The following KIAA0040 variants were observed in gnomAD, a reference collection of about 807,000 sequenced individuals.
KIAA0040 encodes uncharacterized protein KIAA0040.
Under a neutral mutation model 7.2 loss-of-function variants are expected in KIAA0040, and 10 were observed. The ratio of observed to expected loss-of-function variants is 1.38; its 90% CI spans 0.85 to 2.34. The LOEUF (loss-of-function observed/expected upper bound fraction) is 2.34, where lower values mean the gene tolerates loss of function less well. Ranked by LOEUF, KIAA0040 falls within the 30% of genes most tolerant of loss-of-function variation. The probability of loss-of-function intolerance (pLI) is 0.00; values close to 1 mark genes in which losing one functional copy is unlikely to be tolerated. For missense variants in KIAA0040, 89 were observed against 108.2 expected (o/e 0.82, Z 0.79); for synonymous variants, 49 against 40.1 (o/e 1.22, Z -0.84).
chr1:175,175,092 C>G (rs1308650844), intron 2 of KIAA0040, among the ~76,000 whole-genome samples: 1 of 152,136 alleles, frequency 6.6e-6, no homozygotes, highest in African/African-American at 2.4e-5. Context: ...AAAGGGAAAC[C>G]TCTGCTTCTG....
In KIAA0040 at chr1:175,160,443, G is replaced by T; in HGVS notation, c.*271C>A. Reference sequence around the variant, plus strand: ...ATGTTCTTTGTGCTTTGCATGTGGGGTATGCCAGAGACAGGTGGGAGGCAT... The same window carrying T: ...ATGTTCTTTGTGCTTTGCATGTGGGTTATGCCAGAGACAGGTGGGAGGCAT... On this transcript the variant is annotated 3_prime_UTR_variant, in exon 4 of 4. Transcript: ENST00000423313. 1 of 439,270 alleles carries T rather than the reference G, an allele frequency of 2.3e-6. No individual in the cohort carries two copies. The highest frequency in any genetic ancestry group is 4.1e-6 in the Non-Finnish European group (1 of 244,776). 27.2% of individuals were successfully genotyped at this position (439,270 alleles called of 1,614,324 possible). A position where few individuals can be genotyped will look rare whatever the true frequency, so the allele number is the denominator to read the frequency against.
At chr1:175,186,952 T>C (rs80083613) in intron 1 of KIAA0040, among the ~76,000 whole-genome samples, 67 of 152,304 alleles carry the variant, frequency 4.4e-4, no homozygotes, top group African/African-American at 1.5e-3. Flanking sequence ...ACTGTTATGC[T>C]GTGCTGGCAA....
At position 175,160,581 on chromosome 1, in the gene KIAA0040, G is replaced by A. The variant is rs1676488061; in HGVS notation, c.*133C>T. On this transcript the variant is annotated 3_prime_UTR_variant, in exon 4 of 4. Transcript: ENST00000423313. ...CCCTCCACTGGGACACTTAGTCTGA[G>A]GTTTGTTCCTTGGTTGAGTAGTTAC... 7 of 876,228 alleles carry A rather than the reference G, an allele frequency of 8.0e-6. No homozygotes were observed. Among genetic ancestry groups the A allele is most frequent in the Non-Finnish European group, 1.2e-5 (7 of 589,056 alleles). 54.3% of individuals were successfully genotyped at this position (876,228 alleles called of 1,614,324 possible). A position where few individuals can be genotyped will look rare whatever the true frequency, so the allele number is the denominator to read the frequency against.
At chr1:175,171,127 T>C (rs1353471884) in intron 2 of KIAA0040, among the ~76,000 whole-genome samples, 2 of 152,244 alleles carry the variant, frequency 1.3e-5, no homozygotes, top group South Asian at 2.1e-4. Context: ...TACATTTTCA[T>C]ACAAATTTCC....
intron 1 of KIAA0040, among the ~76,000 whole-genome samples, chr1:175,189,465 C>T (rs947081633): frequency 3.3e-5 from 5 of 152,164 alleles, no homozygotes; most frequent in African/African-American, 1.2e-4. Context: ...AGTACACAAC[C>T]TGCACAAGCA....
At chr1:175,186,206 TA>T (rs1444017987) in intron 1 of KIAA0040, among the ~76,000 whole-genome samples, 1 of 152,150 alleles carries the variant, frequency 6.6e-6, no homozygotes, top group Non-Finnish European at 1.5e-5. Flanking sequence ...TCACCTCAAT[TA>T]AAAAAATGCA....
rs1262881125 is a variant in KIAA0040, at chr1:175,160,420, G to A, written c.*294C>T. On this transcript the variant is annotated 3_prime_UTR_variant, in exon 4 of 4. Coordinates refer to ENST00000423313, the MANE Select transcript of KIAA0040 (RefSeq NM_014656.3). ...ACCATATTGAGATGTATGGATAAAT[G>A]TTCTTTGTGCTTTGCATGTGGGGTA... 2 of 382,536 alleles carry A rather than the reference G, an allele frequency of 5.2e-6. No homozygotes were observed. Among genetic ancestry groups the A allele is most frequent in the Non-Finnish European group, 9.5e-6 (2 of 209,890 alleles). 23.7% of individuals were successfully genotyped at this position (382,536 alleles called of 1,614,324 possible).
chr1:175,170,322 C>T (rs1041723991), intron 2 of KIAA0040, among the ~76,000 whole-genome samples: 10 of 152,172 alleles, frequency 6.6e-5, no homozygotes, highest in African/African-American at 1.4e-4. Context: ...CCTTTATCCC[C>T]ATTGTTACCT....
At position 175,161,091 on chromosome 1, in the gene KIAA0040, C is replaced by T. The variant is rs150648481; in HGVS notation, c.-78G>A. On this transcript the variant is annotated 5_prime_UTR_variant, in exon 4 of 4. It introduces an in-frame stop codon into an upstream open reading frame of the 5' UTR. Transcript: ENST00000423313. ...TGGGCTCAAAAGGATGCAACCTTGA[C>T]CACTTGTAATTTATTCCTCTTCCAG... 7.5e-7 allele frequency: 1 copy of T among 1,335,072 alleles called. No individual in the cohort carries two copies. Among genetic ancestry groups the T allele is most frequent in the South Asian group, 1.5e-5 (1 of 66,212 alleles). The allele number at this position is 1,335,072 out of a possible 1,614,324, so 82.7% of individuals were successfully genotyped here.
chr1:175,178,975 G>A (rs932438026), intron 1 of KIAA0040, among the ~76,000 whole-genome samples: 3 of 150,134 alleles, frequency 2.0e-5, no homozygotes, highest in Admixed American at 6.7e-5. Context: ...CGGGGCGGGG[G>A]GGGGGATATC....
chr1:175,165,201 C>T (rs565053334), intron 3 of KIAA0040, among the ~76,000 whole-genome samples: 5 of 152,236 alleles, frequency 3.3e-5, no homozygotes, highest in South Asian at 2.1e-4. Flanking sequence ...TATGAGGTGA[C>T]GATGGGAAAC....
At chr1:175,172,726 A>C (rs1355471138) in intron 2 of KIAA0040, among the ~76,000 whole-genome samples, 2 of 152,232 alleles carry the variant, frequency 1.3e-5, no homozygotes, top group Admixed American at 6.5e-5. Flanking sequence ...ACTGCGTTAC[A>C]TCATTTTACT....
intron 3 of KIAA0040, among the ~76,000 whole-genome samples, chr1:175,164,878 T>G (rs1417154276): frequency 6.6e-6 from 1 of 152,204 alleles, no homozygotes; most frequent in African/African-American, 2.4e-5. Context: ...AAGTGAGAAC[T>G]TCCATGGAAT....
At chr1:175,162,024 G>A (rs901211820) in intron 3 of KIAA0040, among the ~76,000 whole-genome samples, 2 of 152,096 alleles carry the variant, frequency 1.3e-5, no homozygotes, top group African/African-American at 4.8e-5. Flanking sequence ...CCCTGTTCCT[G>A]TTCTGAACTC....
At chr1:175,185,186 C>T (rs1677609094) in intron 1 of KIAA0040, among the ~76,000 whole-genome samples, 1 of 151,666 alleles carries the variant, frequency 6.6e-6, no homozygotes, top group South Asian at 2.1e-4. Context: ...TAAAAATATT[C>T]TAAAATCTGA....
chr1:175,185,457 C>T (rs950018311), intron 1 of KIAA0040, among the ~76,000 whole-genome samples: 3 of 152,122 alleles, frequency 2.0e-5, no homozygotes, highest in East Asian at 1.9e-4. Flanking sequence ...CAAATAATCC[C>T]GAATCTCTAG....
At chr1:175,167,161 C>G (rs980757466) in intron 2 of KIAA0040, among the ~76,000 whole-genome samples, 4 of 152,152 alleles carry the variant, frequency 2.6e-5, no homozygotes, top group African/African-American at 9.7e-5. Context: ...GAGAGAAGAT[C>G]TGAATGACAA....
rs1676495308 is a variant in KIAA0040 at position 175,160,744 on chromosome 1, C to T, written c.270G>A (p.Gln90=). The change falls in exon 4 of 4, where the codon CAG becomes CAA. Residue 90 remains glutamine (Q), a synonymous_variant. Transcript: ENST00000423313. ...LWISAQPKLL[Q]MEKRPSLPV ...CAGGCAGTGATGGTCTCTTCTCCAT[C>T]TGGAGAAGCTTGGGTTGAGCAGAGA... is the stretch of plus-strand genomic sequence containing the variant. The T allele has an allele frequency of 1.3e-6, 2 of 1,549,120 alleles. No individual in the cohort carries two copies. Among genetic ancestry groups the T allele is most frequent in the Non-Finnish European group, 1.7e-6 (2 of 1,146,808 alleles).
intron 2 of KIAA0040, chr1:175,176,368 G>A (rs1167065107): frequency 2.0e-5 from 3 of 152,214 alleles, no homozygotes; most frequent in Non-Finnish European, 2.9e-5. Flanking sequence ...GAGGGAGTGA[G>A]CATAAATATT....
Sources: gnomAD v4.1 joint callset for allele counts (sites outside exome capture counted in the v4.1 genomes callset) on GRCh38, gnomAD v4.1.1 for gene constraint, MANE v1.5 for transcripts, NCBI Gene and HGNC (gene_info 2026-07-23, HGNC 2026-07-21) for gene names.